OR9Q1: variants seen among roughly 807,000 people sequenced by gnomAD.
OR9Q1 encodes olfactory receptor 9Q1.
For synonymous variants in OR9Q1, 153 were observed against 148.6 expected, an observed-to-expected ratio of 1.03 and a Z score of -0.22; for missense variants, 374 against 378.8, an observed-to-expected ratio of 0.99 and a Z score of 0.11.
chr11:58,091,317 G>A (rs541462749), intron 2 of OR9Q1, among the ~76,000 whole-genome samples: 2 of 152,286 alleles, frequency 1.3e-5, no homozygotes, highest in Non-Finnish European at 2.9e-5. Context: ...TAATTTGGCT[G>A]TGTTCCAGAG....
intron 2 of OR9Q1, among the ~76,000 whole-genome samples, chr11:58,084,385 C>A (rs1853615986): frequency 6.6e-6 from 1 of 151,820 alleles, no homozygotes; most frequent in Admixed American, 6.6e-5. Flanking sequence ...GGTACCAATC[C>A]TGCTGAAGCT....
At chr11:58,050,295 A>C (rs895346635) in intron 1 of OR9Q1, among the ~76,000 whole-genome samples, 16 of 144,920 alleles carry the variant, frequency 1.1e-4, no homozygotes, top group Non-Finnish European at 1.7e-4. Context: ...ATAATGCCGC[A>C]TATCTACAAC....
At chr11:58,064,717 A>G (rs1692281144) in intron 2 of OR9Q1, among the ~76,000 whole-genome samples, 1 of 152,158 alleles carries the variant, frequency 6.6e-6, no homozygotes, top group African/African-American at 2.4e-5. Context: ...GGCATTCAGG[A>G]AAAGGAGGAC....
chr11:58,080,911 G>T (rs1475958761), intron 2 of OR9Q1, among the ~76,000 whole-genome samples: 2 of 152,110 alleles, frequency 1.3e-5, no homozygotes, highest in Non-Finnish European at 1.5e-5. Flanking sequence ...TTGGTTTGCT[G>T]CACCCATCAA....
chr11:58,165,768 G>A (rs1286612394), intron 2 of OR9Q1, among the ~76,000 whole-genome samples: 3 of 152,148 alleles, frequency 2.0e-5, no homozygotes, highest in Non-Finnish European at 4.4e-5. Context: ...TTGACCCCAG[G>A]CACTGGATTG....
intron 2 of OR9Q1, among the ~76,000 whole-genome samples, chr11:58,156,466 T>C (rs1854409223): frequency 6.6e-6 from 1 of 152,188 alleles, no homozygotes; most frequent in Non-Finnish European, 1.5e-5. Context: ...TAAAAGTCGA[T>C]GTGTAGGTAA....
intron 2 of OR9Q1, chr11:58,117,370 G>C (rs1853966328): frequency 6.6e-6 from 1 of 152,100 alleles, no homozygotes; most frequent in Non-Finnish European, 1.5e-5. Flanking sequence ...TATACTCCGA[G>C]TACTCTTTGA....
At chr11:58,102,677 A>G (rs941561434) in intron 2 of OR9Q1, among the ~76,000 whole-genome samples, 2 of 151,746 alleles carry the variant, frequency 1.3e-5, no homozygotes, top group Non-Finnish European at 1.5e-5. Flanking sequence ...GACTTGACAT[A>G]TTCTCTTCCT....
intron 2 of OR9Q1, among the ~76,000 whole-genome samples, chr11:58,160,372 T>C (rs1254371928): frequency 6.6e-6 from 1 of 152,222 alleles, no homozygotes; most frequent in Non-Finnish European, 1.5e-5. Flanking sequence ...AGATTGAATG[T>C]GGGCTATAGG....
chr11:58,091,066 T>C (rs948229849), intron 2 of OR9Q1, among the ~76,000 whole-genome samples: 15 of 152,240 alleles, frequency 9.9e-5, no homozygotes, highest in African/African-American at 3.6e-4. Flanking sequence ...AGTCCATCTA[T>C]TTTGTTAATT....
chr11:58,142,139 TA>T (rs1253172488), intron 2 of OR9Q1, among the ~76,000 whole-genome samples: 8 of 152,192 alleles, frequency 5.3e-5, no homozygotes, highest in African/African-American at 1.9e-4. Flanking sequence ...TCCTTATCCT[TA>T]CTTTGATACT....
At chr11:58,172,017 C>T (rs961262964) in intron 2 of OR9Q1, among the ~76,000 whole-genome samples, 2 of 152,124 alleles carry the variant, frequency 1.3e-5, no homozygotes, top group Non-Finnish European at 2.9e-5. Flanking sequence ...ATCCTTAGAA[C>T]ATTAACATTG....
rs564856970 is a variant in OR9Q1, at chr11:58,082,609, G to C, written c.-15+26662G>C. Among the ~76,000 whole-genome samples the C allele has an allele frequency of 1.0e-3, 66 of 64,898 alleles. 1 individual carries two copies. Among genetic ancestry groups the C allele is most frequent in the Non-Finnish European group, 1.5e-3 (52 of 35,068 alleles). 42.6% of individuals were successfully genotyped at this position (64,898 alleles called of 152,430 possible). A position where few individuals can be genotyped will look rare whatever the true frequency, so the allele number is the denominator to read the frequency against. On this transcript the variant is annotated intron_variant, in intron 2 of 2. Transcript: ENST00000335397. ...TGGGGCCTGTTGTGGGGTGGGGGGAGGGGGGAGGGATAGCTTTAGGAGATA... is the reference window on the plus strand; with the variant it reads ...TGGGGCCTGTTGTGGGGTGGGGGGACGGGGGAGGGATAGCTTTAGGAGATA...
chr11:58,166,210 A>G (rs1378668243), intron 2 of OR9Q1, among the ~76,000 whole-genome samples: 2 of 152,188 alleles, frequency 1.3e-5, no homozygotes, highest in Non-Finnish European at 2.9e-5. Context: ...TTTCTTTTAA[A>G]GACTTAATTG....
intron 2 of OR9Q1, among the ~76,000 whole-genome samples, chr11:58,123,901 A>G (rs569816479): frequency 1.3e-5 from 2 of 152,252 alleles, no homozygotes; most frequent in Non-Finnish European, 1.5e-5. Context: ...CTTTCTTTAT[A>G]ACTTGAGAGA....
In OR9Q1 at chr11:58,102,222, T is replaced by C. The variant is rs1369943803; in HGVS notation, c.-15+46275T>C. Among the ~76,000 whole-genome samples the C allele has an allele frequency of 2.0e-5, 3 of 150,678 alleles. No individual in the cohort carries two copies. In the Admixed American group the frequency reaches 2.0e-4, roughly 10 times the overall value. On this transcript the variant is annotated intron_variant, in intron 2 of 2. Coordinates refer to ENST00000335397, the MANE Select transcript of OR9Q1 (RefSeq NM_001005212.4). The stretch of plus-strand genomic sequence containing the variant: ...GTGAGGACTTCTGTCATTTTGTCAA[T>C]TGCTTTCTGGTTGTTTTGTAGTTGT...
chr11:58,162,567 G>C lies in OR9Q1; in HGVS notation c.-14-16864G>C, dbSNP rs184135936. 9.4e-4 allele frequency among the ~76,000 whole-genome samples: 143 copies of C among 152,316 alleles called. 2 individuals carry two copies. Among genetic ancestry groups the C allele is most frequent in the African/African-American group, 3.1e-3 (130 of 41,564 alleles). The stretch of plus-strand genomic sequence containing the variant: ...TGATTTTATTTTCTGACGCTGTAAA[G>C]AGCAGCAAAGGCAGAGGAGTGAGAA... On this transcript the variant is annotated intron_variant, in intron 2 of 2. Transcript: ENST00000335397.
intron 1 of OR9Q1, among the ~76,000 whole-genome samples, chr11:58,032,134 C>A (rs965810295): frequency 3.3e-5 from 5 of 152,118 alleles, no homozygotes; most frequent in Non-Finnish European, 7.4e-5. Flanking sequence ...AAAAACATCC[C>A]ATGCTCACAG....
intron 2 of OR9Q1, among the ~76,000 whole-genome samples, chr11:58,056,833 A>G (rs1388040641): frequency 6.6e-6 from 1 of 152,118 alleles, no homozygotes; most frequent in Non-Finnish European, 1.5e-5. Context: ...TGGGGTCCAG[A>G]GCCCCATCCC....
Sources: allele counts gnomAD v4.1 joint callset (sites outside exome capture counted in the v4.1 genomes callset), GRCh38; gene constraint gnomAD v4.1.1; transcripts MANE v1.5; gene names NCBI Gene and HGNC (gene_info 2026-07-23, HGNC 2026-07-21).